BTBD7: variants seen among roughly 807,000 people sequenced by gnomAD.
The protein encoded by BTBD7 is BTB/POZ domain-containing protein 7.
BTBD7 carries 38 observed loss-of-function variants against 99.9 expected under a neutral mutation model. The observed-to-expected ratio is 0.38, with a 90% CI of 0.29 to 0.50. The LOEUF (loss-of-function observed/expected upper bound fraction) is 0.50. BTBD7 is among the 20% of genes least tolerant of loss of function. The pLI is 0.93. For synonymous variants in BTBD7, 520 were observed against 511.4 expected, an observed-to-expected ratio of 1.02 and a Z score of -0.23; for missense variants, 1,170 against 1,394.6, an observed-to-expected ratio of 0.84 and a Z score of 2.57.
chr14:93,267,749 A>G (rs2052557298), intron 3 of BTBD7, among the ~76,000 whole-genome samples: 1 of 152,064 alleles, frequency 6.6e-6, no homozygotes, highest in Non-Finnish European at 1.5e-5. Flanking sequence ...CCAATCTATC[A>G]CCAGATGCTG....
At chr14:93,243,191 T>G (rs1198611207) in intron 10 of BTBD7, 103 bp from the exon 11 acceptor site, 15 of 1,155,328 alleles carry the variant, frequency 1.3e-5, no homozygotes, top group Non-Finnish European at 1.8e-5. Flanking sequence ...ATTAACACAT[T>G]CTGTTTTTGT....
Position 93,251,616 on chromosome 14 carries a change from G to T in BTBD7, c.1789C>A (p.Leu597Ile). Residue 597 changes from leucine (L) to isoleucine (I), a missense_variant, in exon 8 of 11, where the codon CTT (leucine) becomes ATT (isoleucine). Leu to Ile is a conservative substitution (Grantham distance 5, BLOSUM62 2). Around this residue, in one of 4 missense-constraint regions of BTBD7, gnomAD observed 309 missense variants for 342.0 expected, o/e 0.90. Coordinates refer to ENST00000334746, the MANE Select transcript of BTBD7 (RefSeq NM_001002860.4). Reference sequence around the variant, plus strand: ...ATTCTAACCATTCGCAAGCGCACAAGATCCGTTTGTTCCACCATCATCTCA... The same window carrying T: ...ATTCTAACCATTCGCAAGCGCACAATATCCGTTTGTTCCACCATCATCTCA... ...LDEMMVEQTD[L>I]VRLRMVRMSN... The T allele has an allele frequency of 6.2e-7, 1 of 1,613,290 alleles. No individual in the cohort carries two copies. Among genetic ancestry groups the T allele is most frequent in the Non-Finnish European group, 8.5e-7 (1 of 1,179,444 alleles).
At chr14:93,318,507 C>G (rs553604815) in intron 1 of BTBD7, among the ~76,000 whole-genome samples, 1 of 152,248 alleles carries the variant, frequency 6.6e-6, no homozygotes, top group East Asian at 1.9e-4. Context: ...AAAGTTTCAG[C>G]TGAACCCTTG....
intron 9 of BTBD7, among the ~76,000 whole-genome samples, chr14:93,247,389 C>T (rs1429611306): frequency 6.6e-6 from 1 of 151,832 alleles, no homozygotes; most frequent in Non-Finnish European, 1.5e-5. Flanking sequence ...GCTCTGTCAC[C>T]CAGGCTGGAG....
At chr14:93,244,702 AAAAAG>A (rs1168648951) in intron 10 of BTBD7, among the ~76,000 whole-genome samples, 1 of 152,134 alleles carries the variant, frequency 6.6e-6, no homozygotes, top group Non-Finnish European at 1.5e-5. Flanking sequence ...AGGTTATGTT[AAAAAG>A]AAAAGTTGAG....
chr14:93,322,940 G>A (rs2053286172), intron 1 of BTBD7, among the ~76,000 whole-genome samples: 2 of 151,756 alleles, frequency 1.3e-5, no homozygotes, highest in Non-Finnish European at 2.9e-5. Flanking sequence ...CAACACAGCA[G>A]GACCCCATCT....
chr14:93,332,465 G>C (rs1366294360), intron 1 of BTBD7: 1 of 160,996 alleles, frequency 6.2e-6, no homozygotes, highest in African/African-American at 2.4e-5. Context: ...TGGGAGCGAC[G>C]GGTCCCGCCC....
chr14:93,272,868 T>C (rs1173572578), intron 3 of BTBD7, among the ~76,000 whole-genome samples: 6 of 152,170 alleles, frequency 3.9e-5, no homozygotes, highest in African/African-American at 1.4e-4. Context: ...ATGAAGAGCC[T>C]AAGCCCAGGT....
At chr14:93,268,380 C>T (rs1399388260) in intron 3 of BTBD7, among the ~76,000 whole-genome samples, 2 of 152,288 alleles carry the variant, frequency 1.3e-5, no homozygotes, top group East Asian at 1.9e-4. Context: ...CTGACTCTTC[C>T]ACCAGACTAA....
At chr14:93,275,709 G>A (rs898025064) in intron 3 of BTBD7, among the ~76,000 whole-genome samples, 1 of 152,146 alleles carries the variant, frequency 6.6e-6, no homozygotes, top group Non-Finnish European at 1.5e-5. Context: ...TGTACAGTGT[G>A]TCACTGTATT....
chr14:93,257,442 T>C (rs2139695914), intron 5 of BTBD7, 87 bp from the exon 6 acceptor site: 1 of 1,239,960 alleles, frequency 8.1e-7, no homozygotes, highest in Non-Finnish European at 1.1e-6. Flanking sequence ...ACACTAACAG[T>C]ACCACTCTAT....
At chr14:93,276,786 A>G (rs1294508227) in intron 3 of BTBD7, among the ~76,000 whole-genome samples, 1 of 152,162 alleles carries the variant, frequency 6.6e-6, no homozygotes, top group African/African-American at 2.4e-5. Context: ...AAAGCAGCTG[A>G]AAACTTCTAG....
chr14:93,244,038 C>G, intron 10 of BTBD7: 1 of 357,040 alleles, frequency 2.8e-6, no homozygotes. Context: ...ACCCATCGGA[C>G]TTTCTGTCAC....
At chr14:93,254,072 G>A (rs1304742889) in intron 6 of BTBD7, among the ~76,000 whole-genome samples, 2 of 151,700 alleles carry the variant, frequency 1.3e-5, no homozygotes, top group African/African-American at 4.8e-5. Context: ...CGAGTAGCTG[G>A]GATTACAGGC....
chr14:93,298,036 G>T (rs953539421), intron 1 of BTBD7, among the ~76,000 whole-genome samples: 1 of 149,514 alleles, frequency 6.7e-6, no homozygotes, highest in Non-Finnish European at 1.5e-5. Flanking sequence ...TTTCAAGTTC[G>T]ATTATTATTT....
intron 7 of BTBD7, among the ~76,000 whole-genome samples, chr14:93,252,240 G>A (rs796663894): frequency 5.9e-4 from 89 of 151,846 alleles, no homozygotes; most frequent in Middle Eastern, 3.4e-3. Flanking sequence ...AACTCGGGAG[G>A]AGAAGGTTGT....
At chr14:93,330,374 C>A (rs1239575667) in intron 1 of BTBD7, among the ~76,000 whole-genome samples, 3 of 152,134 alleles carry the variant, frequency 2.0e-5, no homozygotes, top group African/African-American at 4.8e-5. Flanking sequence ...TACACTCTTG[C>A]TTTTTCCTCA....
Position 93,289,667 on chromosome 14 carries a change from G to A in BTBD7, c.1162+4191C>T, listed in dbSNP as rs543936594. On this transcript the variant is annotated intron_variant, in intron 3 of 10. Coordinates refer to ENST00000334746, the MANE Select transcript of BTBD7 (RefSeq NM_001002860.4). ...TTCACTATGATAATAGGGCTTTGAAGGAAATAAAATTAAACATATTCATTT... is the reference window on the plus strand; with the variant it reads ...TTCACTATGATAATAGGGCTTTGAAAGAAATAAAATTAAACATATTCATTT... Among the ~76,000 whole-genome samples the A allele has an allele frequency of 1.4e-3, 217 of 152,214 alleles. 1 individual carries two copies. The highest frequency in any genetic ancestry group is 5.0e-3 in the African/African-American group (206 of 41,526).
intron 1 of BTBD7, among the ~76,000 whole-genome samples, chr14:93,332,588 C>T (rs2053456069): frequency 6.6e-6 from 1 of 151,506 alleles, no homozygotes; most frequent in African/African-American, 2.4e-5. Context: ...GCGGCGCGCT[C>T]CAGCCCGCCC....
Sources: gnomAD v4.1 joint callset for allele counts (sites outside exome capture counted in the v4.1 genomes callset) on GRCh38, gnomAD v4.1.1 for gene constraint, gnomAD v4.1.1 regional missense constraint, MANE v1.5 for transcripts, NCBI Gene and HGNC (gene_info 2026-07-23, HGNC 2026-07-21) for gene names.